Variants in VPS28 observed in about 807,000 individuals in gnomAD.
VPS28 encodes the protein VPS28 subunit of ESCRT-I.
Under a neutral mutation model 33.7 loss-of-function variants are expected in VPS28, and 29 were observed. The observed-to-expected ratio is 0.86, with a 90% CI of 0.64 to 1.17. The LOEUF is 1.17. Ranked by LOEUF, VPS28 falls within the 50% of genes most tolerant of loss-of-function variation. The pLI is 0.00. For synonymous variants in VPS28, 164 were observed against 116.7 expected (o/e 1.40, Z -2.61); for missense variants, 247 against 312.2 (o/e 0.79, Z 1.57).
Position 144,426,389 on chromosome 8 carries a change from T to C in VPS28, c.38-181A>G, listed in dbSNP as rs1054119213. Reference sequence around the variant, plus strand: ...CCTATCAGTGTGTGGGGGGACCTGATGATAACACCTCTGAGAAGCCGGGGG... The same window carrying C: ...CCTATCAGTGTGTGGGGGGACCTGACGATAACACCTCTGAGAAGCCGGGGG... On this transcript the variant is annotated intron_variant, in intron 2 of 9. Transcript: ENST00000292510. The C allele has an allele frequency of 1.0e-5, 8 of 763,902 alleles. No individual in the cohort carries two copies. In the Admixed American group the frequency reaches 2.4e-4, roughly 23 times the overall value. The allele number at this position is 763,902 out of a possible 1,614,324, so 47.3% of individuals were successfully genotyped here.
At chr8:144,425,886 T>G in intron 4 of VPS28, 114 bp from the exon 5 acceptor site, 3 of 1,535,098 alleles carry the variant, frequency 2.0e-6, no homozygotes, top group Non-Finnish European at 2.6e-6. Context: ...TCTTGCTCCA[T>G]CCTGGAGTGC....
intron 7 of VPS28, 139 bp downstream of exon 7, chr8:144,424,579 T>C (rs1197853750): frequency 4.1e-6 from 4 of 982,486 alleles, no homozygotes; most frequent in East Asian, 2.6e-5. Context: ...CACCCCTCAT[T>C]CCTAGTTAAA....
chr8:144,424,529 C>T, intron 7 of VPS28, 189 bp downstream of exon 7: 1 of 799,496 alleles, frequency 1.3e-6, no homozygotes, highest in South Asian at 1.7e-5. Context: ...ATCCCCCCGA[C>T]AGGAGTCCAG....
intron 7 of VPS28, chr8:144,424,515 G>A (rs1190623408): frequency 1.3e-6 from 1 of 787,282 alleles, no homozygotes; most frequent in African/African-American, 1.7e-5. Context: ...CGCACCCTGT[G>A]CTCATCCCCC....
Position 144,423,795 on chromosome 8 carries a change from T to C in VPS28, c.*10A>G. 6.2e-7 allele frequency: 1 copy of C among 1,613,126 alleles called. No homozygotes were observed. The highest frequency in any genetic ancestry group is 8.5e-7 in the Non-Finnish European group (1 of 1,180,026). ...CTCTGCCCTTCTGTGCAAGGGCTAG[T>C]GCCCCGGGCTCAGGCATGCAGGAAG... On this transcript the variant is annotated 3_prime_UTR_variant, in exon 10 of 10. Coordinates refer to ENST00000292510, the MANE Select transcript of VPS28 (RefSeq NM_016208.4).
chr8:144,423,796 GC>G lies in VPS28; in HGVS notation c.*8del, dbSNP rs1822528007. The G allele has an allele frequency of 6.2e-7, 1 of 1,613,122 alleles. No individual in the cohort carries two copies. The highest frequency in any genetic ancestry group is 1.3e-5 in the African/African-American group (1 of 75,074). ...TCTGCCCTTCTGTGCAAGGGCTAGT[GC>G]CCCGGGCTCAGGCATGCAGGAAGCG... On this transcript the variant is annotated 3_prime_UTR_variant, in exon 10 of 10. Transcript: ENST00000292510.
In VPS28 at chr8:144,425,053, T is replaced by C. The variant is rs903903234; in HGVS notation, c.195-2A>G. On this transcript the variant is annotated splice_acceptor_variant, in intron 5 of 9. Coordinates refer to ENST00000292510, the MANE Select transcript of VPS28 (RefSeq NM_016208.4). LOFTEE classifies it high-confidence loss of function. The stretch of plus-strand genomic sequence containing the variant: ...AGCCGGGAGCAGGCTGCAGTGTACC[T>C]AGGGAGAGGTCAGCTGCTGCCCAAG... The C allele has an allele frequency of 1.9e-6, 3 of 1,551,132 alleles. No individual in the cohort carries two copies. Among genetic ancestry groups the C allele is most frequent in the Non-Finnish European group, 2.6e-6 (3 of 1,146,804 alleles).
chr8:144,423,675 A>G lies in VPS28; in HGVS notation c.*130T>C. 1 of 1,253,426 alleles carries G rather than the reference A, an allele frequency of 8.0e-7. No individual in the cohort carries two copies. The highest frequency in any genetic ancestry group is 1.1e-6 in the Non-Finnish European group (1 of 890,700). The allele number at this position is 1,253,426 out of a possible 1,614,324, so 77.6% of individuals were successfully genotyped here. A position where few individuals can be genotyped will look rare whatever the true frequency, so the allele number is the denominator to read the frequency against. ...GCCCGGCCCCCAAAGTTCTGACACC[A>G]AAGACAGACACCAGACAGGCAGCTG... On this transcript the variant is annotated 3_prime_UTR_variant, in exon 10 of 10. Transcript: ENST00000292510.
At chr8:144,426,364 C>T (rs1044025444) in intron 2 of VPS28, 156 bp from the exon 3 acceptor site, 6 of 1,004,284 alleles carry the variant, frequency 6.0e-6, no homozygotes, top group Non-Finnish European at 8.4e-6. Flanking sequence ...CAACCTCACC[C>T]CTATCAGTGT....
In VPS28 at chr8:144,426,186, C is replaced by T. The variant is rs1554876721; in HGVS notation, c.60G>A (p.Leu20=). 6.2e-7 allele frequency: 1 copy of T among 1,607,488 alleles called. No homozygotes were observed. ...GTGGGCACCCACCACTCACCTCATACAGCTCCGGCTTGTTCCCAGGGGCTG... is the reference window on the plus strand; with the variant it reads ...GTGGGCACCCACCACTCACCTCATATAGCTCCGGCTTGTTCCCAGGGGCTG... ...GIGAPGNKPE[L]YEEVKLYKNA... The change falls in exon 3 of 10, where the codon CTG becomes CTA. Residue 20 remains leucine, a synonymous_variant. Transcript: ENST00000292510.
intron 7 of VPS28, 180 bp from the exon 8 acceptor site, chr8:144,424,448 G>A (rs960820387): frequency 2.2e-6 from 2 of 891,126 alleles, no homozygotes; most frequent in Non-Finnish European, 3.3e-6. Flanking sequence ...AGCTGTGTGG[G>A]AACTGAAGGG....
chr8:144,424,477 C>A, intron 7 of VPS28: 1 of 810,828 alleles, frequency 1.2e-6, no homozygotes. Context: ...CACCCACACT[C>A]TCTCCCGAGG....
intron 5 of VPS28, 68 bp from the exon 6 acceptor site, chr8:144,425,119 T>G: frequency 7.0e-7 from 1 of 1,435,088 alleles, no homozygotes. Flanking sequence ...CCCCCTCGGC[T>G]GGTCCAGAGG....
chr8:144,427,153 G>A (rs1045765902), intron 1 of VPS28, 174 bp from the exon 2 acceptor site: 3 of 451,294 alleles, frequency 6.6e-6, no homozygotes, highest in Middle Eastern at 6.0e-4. Context: ...TACAAAATTA[G>A]CCGGACGTTG....
intron 3 of VPS28, 23 bp downstream of exon 3, chr8:144,426,157 C>T: frequency 6.2e-7 from 1 of 1,602,106 alleles, no homozygotes; most frequent in Non-Finnish European, 8.5e-7. Flanking sequence ...CCAATGCCGG[C>T]CGGGTGGGCA....
chr8:144,426,445 C>T (rs1199886766), intron 2 of VPS28: 1 of 531,126 alleles, frequency 1.9e-6, no homozygotes, highest in East Asian at 3.3e-5. Flanking sequence ...CCCAGCTCCA[C>T]TGCGGCTCCC....
chr8:144,427,739 G>C (rs1481443831), intron 1 of VPS28, among the ~76,000 whole-genome samples: 4 of 152,252 alleles, frequency 2.6e-5, no homozygotes, highest in Non-Finnish European at 4.4e-5. Flanking sequence ...CGGGGCCCGT[G>C]GGAGGGTCCT....
intron 1 of VPS28, chr8:144,427,284 G>C: frequency 5.1e-6 from 1 of 196,242 alleles, no homozygotes; most frequent in Non-Finnish European, 1.1e-5. Flanking sequence ...GGGAGACAGA[G>C]CAAGACCCTG....
chr8:144,424,477 C>G, intron 7 of VPS28: 1 of 810,828 alleles, frequency 1.2e-6, no homozygotes, highest in Non-Finnish European at 1.9e-6. Flanking sequence ...CACCCACACT[C>G]TCTCCCGAGG....
Sources: gnomAD v4.1 joint callset for allele counts (sites outside exome capture counted in the v4.1 genomes callset) on GRCh38, gnomAD v4.1.1 for gene constraint, MANE v1.5 for transcripts, NCBI Gene and HGNC (gene_info 2026-07-23, HGNC 2026-07-21) for gene names.